The following CEP135 variants were observed in gnomAD, a reference collection of about 807,000 sequenced individuals.
CEP135 encodes the protein centrosomal protein 135.
Under a neutral mutation model 157.3 loss-of-function variants are expected in CEP135, and 142 were observed. That is an observed-to-expected ratio of 0.90 (90% confidence interval 0.79 to 1.04). The LOEUF (loss-of-function observed/expected upper bound fraction) is 1.04, where lower values mean the gene tolerates loss of function less well. Among genes scored for constraint, CEP135 ranks in the 50% least tolerant of loss-of-function variants. The probability of loss-of-function intolerance (pLI) is 0.00; values close to 1 mark genes in which losing one functional copy is unlikely to be tolerated. For synonymous variants in CEP135, 396 were observed against 439.8 expected (o/e 0.90, Z 1.25); for missense variants, 1,317 against 1,309.2 (o/e 1.01, Z -0.09).
chr4:55,999,589 A>T lies in CEP135; in HGVS notation c.2224A>T (p.Thr742Ser). Residue 742 changes from threonine to serine, a missense_variant, in exon 17 of 26, where the codon ACT becomes TCT. Physicochemically the swap from Thr to Ser is moderately conservative, Grantham distance 58. Transcript: ENST00000257287. ...TAAAGAAAAAGACTTTCTCCAGGAG[A>T]CTGTAGATGAGAAGACAGAAAAGAT... The part of the protein sequence containing the change: ...IDKEKDFLQE[T>S]VDEKTEKIAN... The T allele has an allele frequency of 6.2e-7, 1 of 1,608,992 alleles. No homozygotes were observed. Among genetic ancestry groups the T allele is most frequent in the Non-Finnish European group, 8.5e-7 (1 of 1,179,000 alleles).
At chr4:56,010,566 C>A (rs1730546674) in intron 19 of CEP135, among the ~76,000 whole-genome samples, 1 of 152,136 alleles carries the variant, frequency 6.6e-6, no homozygotes, top group Non-Finnish European at 1.5e-5. Flanking sequence ...GCGAGGACAT[C>A]AGCATCCCTC....
rs1160952588 is a variant in CEP135, at chr4:56,003,271, T to TCCGCCTCCCGGGTTCATG, written c.2280+3643_2280+3660dup. 7.9e-3 allele frequency among the ~76,000 whole-genome samples: 1,196 copies of TCCGCCTCCCGGGTTCATG among 152,194 alleles called. 13 individuals are homozygous for TCCGCCTCCCGGGTTCATG. Among genetic ancestry groups the TCCGCCTCCCGGGTTCATG allele is most frequent in the African/African-American group, 0.027 (1,125 of 41,526 alleles). ...GGCACGATCTTGGCTCACTGCAAGC[T>TCCGCCTCCCGGGTTCATG]CCGCCTCCCGGGTTCATGCCGCCTC... On this transcript the variant is annotated intron_variant, in intron 17 of 25. Coordinates refer to ENST00000257287, the MANE Select transcript of CEP135 (RefSeq NM_025009.5).
intron 6 of CEP135, among the ~76,000 whole-genome samples, chr4:55,963,883 T>C (rs1289615127): frequency 6.6e-6 from 1 of 152,246 alleles, no homozygotes; most frequent in Non-Finnish European, 1.5e-5. Context: ...TTTCTTAGTG[T>C]GTTACACTCA....
intron 13 of CEP135, 39 bp from the exon 14 acceptor site, chr4:55,985,242 C>A: frequency 8.6e-7 from 1 of 1,165,504 alleles, no homozygotes; most frequent in Middle Eastern, 2.0e-4. Flanking sequence ...GTTTTGTTAT[C>A]TGATACAAAT....
At chr4:55,977,759 T>A (rs979340605) in intron 11 of CEP135, among the ~76,000 whole-genome samples, 3 of 152,216 alleles carry the variant, frequency 2.0e-5, no homozygotes, top group African/African-American at 7.2e-5. Flanking sequence ...TGCAACACAA[T>A]AGCTCATTAA....
At chr4:55,955,924 C>G (rs1728488241) in intron 4 of CEP135, among the ~76,000 whole-genome samples, 1 of 152,010 alleles carries the variant, frequency 6.6e-6, no homozygotes, top group Non-Finnish European at 1.5e-5. Context: ...TCATTGGAGT[C>G]TCATGGTAAT....
intron 14 of CEP135, among the ~76,000 whole-genome samples, chr4:55,988,840 A>T (rs986441112): frequency 4.0e-4 from 60 of 151,674 alleles, no homozygotes; most frequent in African/African-American, 1.5e-3. Context: ...GGGCGCATGT[A>T]GTCCCAGCTA....
chr4:55,974,789 T>C lies in CEP135; in HGVS notation c.1293T>C (p.His431=). The change falls in exon 11 of 26, where the codon CAT becomes CAC. Residue 431 remains histidine, a synonymous_variant. Coordinates refer to ENST00000257287, the MANE Select transcript of CEP135 (RefSeq NM_025009.5). ...TLEVERMRLE[H]GIKRRDRSPS... Reference sequence around the variant, plus strand: ...AGGTTGAGAGGATGAGACTAGAACATGGAATAAAACGTCGAGACAGGTCAC... The same window carrying C: ...AGGTTGAGAGGATGAGACTAGAACACGGAATAAAACGTCGAGACAGGTCAC... 6.2e-7 allele frequency: 1 copy of C among 1,613,848 alleles called. No homozygotes were observed. The highest frequency in any genetic ancestry group is 8.5e-7 in the Non-Finnish European group (1 of 1,179,844).
At chr4:56,003,720 T>C (rs1319132408) in intron 17 of CEP135, among the ~76,000 whole-genome samples, 1 of 151,754 alleles carries the variant, frequency 6.6e-6, no homozygotes, top group Non-Finnish European at 1.5e-5. Flanking sequence ...TTTTTTGTTT[T>C]GTTTTTTTTT....
At chr4:56,031,048 C>T (rs1457895023) in intron 25 of CEP135, among the ~76,000 whole-genome samples, 1 of 144,744 alleles carries the variant, frequency 6.9e-6, no homozygotes, top group African/African-American at 2.4e-5. Context: ...AGAAGGATCA[C>T]TTGAGTATGG....
intron 10 of CEP135, 58 bp downstream of exon 10, chr4:55,971,466 T>C (rs1412109328): frequency 4.8e-6 from 7 of 1,465,392 alleles, no homozygotes; most frequent in Non-Finnish European, 6.4e-6. Flanking sequence ...TGATGTATTG[T>C]TTTTCTTAGT....
chr4:55,963,294 A>C (rs1466172222), intron 6 of CEP135, among the ~76,000 whole-genome samples: 1 of 152,154 alleles, frequency 6.6e-6, no homozygotes, highest in African/African-American at 2.4e-5. Context: ...AGTCCAGCAT[A>C]ATCGTAATTA....
At chr4:55,982,569 T>C (rs2109687062) in intron 13 of CEP135, among the ~76,000 whole-genome samples, 1 of 152,324 alleles carries the variant, frequency 6.6e-6, no homozygotes, top group African/African-American at 2.4e-5. Flanking sequence ...TTTTATATCC[T>C]TTTTTAGAGA....
chr4:55,977,971 G>A lies in CEP135; in HGVS notation c.1474-2172G>A, dbSNP rs117719392. Among the ~76,000 whole-genome samples, 50 of 152,316 alleles carry A rather than the reference G, an allele frequency of 3.3e-4. No homozygotes were observed. In the East Asian group the frequency reaches 9.4e-3, roughly 29 times the overall value. ...TGCTCTGAATGAGGCATAGAATACA[G>A]AGATGAAGACAGTTCCTGCCCTTAC... On this transcript the variant is annotated intron_variant, in intron 11 of 25. Coordinates refer to ENST00000257287, the MANE Select transcript of CEP135 (RefSeq NM_025009.5).
chr4:55,996,963 C>T (rs183783471), intron 15 of CEP135, among the ~76,000 whole-genome samples: 1 of 152,284 alleles, frequency 6.6e-6, no homozygotes. Context: ...TGGACCTCTA[C>T]CCAGTCACAT....
chr4:55,974,443 A>G (rs1729125620), intron 10 of CEP135, among the ~76,000 whole-genome samples: 1 of 152,182 alleles, frequency 6.6e-6, no homozygotes, highest in Non-Finnish European at 1.5e-5. Context: ...AGGTCCCGGG[A>G]AAGTACTATG....
At chr4:56,016,188 T>C (rs1730768441) in intron 21 of CEP135, among the ~76,000 whole-genome samples, 1 of 152,074 alleles carries the variant, frequency 6.6e-6, no homozygotes, top group Non-Finnish European at 1.5e-5. Context: ...CACCAGAAGC[T>C]AGGAGAGAGG....
Position 56,026,002 on chromosome 4 carries a change from A to G in CEP135, c.*11+1388A>G, listed in dbSNP as rs189515378. Among the ~76,000 whole-genome samples the G allele has an allele frequency of 1.8e-3, 278 of 152,122 alleles. 2 individuals are homozygous for G. Among genetic ancestry groups the G allele is most frequent in the African/African-American group, 6.5e-3 (270 of 41,524 alleles). ...GGCGGGTGGATCACTTGAGGTCAGG[A>G]GTTCAAGACCAGCCTGGCCAACATG... On this transcript the variant is annotated intron_variant, in intron 25 of 25. Transcript: ENST00000257287.
intron 11 of CEP135, among the ~76,000 whole-genome samples, chr4:55,977,834 G>C (rs572948697): frequency 1.3e-5 from 2 of 152,270 alleles, no homozygotes; most frequent in Non-Finnish European, 2.9e-5. Flanking sequence ...TAAGGACCCA[G>C]CGTAACATCT....
Sources: gnomAD v4.1 joint callset for allele counts (sites outside exome capture counted in the v4.1 genomes callset) on GRCh38, gnomAD v4.1.1 for gene constraint, MANE v1.5 for transcripts, NCBI Gene and HGNC (gene_info 2026-07-23, HGNC 2026-07-21) for gene names.